Variants in RUNX2 observed in about 807,000 individuals in gnomAD.
RUNX2 encodes the protein RUNX family transcription factor 2.
A neutral mutation model predicts 51.7 loss-of-function variants in RUNX2; 10 were observed. That is an observed-to-expected ratio of 0.19 (90% confidence interval 0.12 to 0.33). The LOEUF (loss-of-function observed/expected upper bound fraction) is 0.33, where lower values mean the gene tolerates loss of function less well. Ranked by LOEUF, RUNX2 falls within the 10% of genes least tolerant of loss-of-function variation. The probability of loss-of-function intolerance (pLI) is 1.00; values close to 1 mark genes in which losing one functional copy is unlikely to be tolerated. For synonymous variants in RUNX2, 276 were observed against 273.6 expected (o/e 1.01, Z -0.09); for missense variants, 562 against 691.3 (o/e 0.81, Z 2.10).
chr6:45,407,479 C>T (rs980547327), intron 2 of RUNX2, among the ~76,000 whole-genome samples: 4 of 152,088 alleles, frequency 2.6e-5, no homozygotes, highest in Non-Finnish European at 2.9e-5. Flanking sequence ...TCTTATTCTT[C>T]TTCCACAAAA....
intron 2 of RUNX2, chr6:45,421,413 T>A (rs1382843938): frequency 6.6e-6 from 1 of 152,118 alleles, no homozygotes; most frequent in Non-Finnish European, 1.5e-5. Flanking sequence ...CCCTCCTCAT[T>A]TTTTTTGTGT....
intron 6 of RUNX2, among the ~76,000 whole-genome samples, chr6:45,502,186 T>C (rs1024855412): frequency 2.6e-5 from 4 of 152,186 alleles, no homozygotes; most frequent in Non-Finnish European, 5.9e-5. Flanking sequence ...GTCATTTATC[T>C]TGGAGCAGAG....
At chr6:45,369,724 G>A (rs1795733878) in intron 2 of RUNX2, among the ~76,000 whole-genome samples, 1 of 151,990 alleles carries the variant, frequency 6.6e-6, no homozygotes, top group South Asian at 2.1e-4. Flanking sequence ...TAAGAGGTAG[G>A]GATATAGTAG....
chr6:45,525,607 G>T (rs2150434242), intron 7 of RUNX2, among the ~76,000 whole-genome samples: 1 of 152,284 alleles, frequency 6.6e-6, no homozygotes, highest in East Asian at 1.9e-4. Flanking sequence ...TTTCCCCAAG[G>T]TATATCATAA....
At position 45,372,051 on chromosome 6, in the gene RUNX2, CA is replaced by C. The variant is rs1796142996; in HGVS notation, c.58+43271del. 1.2e-5 allele frequency: 12 copies of C among 964,638 alleles called. No homozygotes were observed. In the South Asian group the frequency reaches 3.8e-4, roughly 31 times the overall value. The allele number at this position is 964,638 out of a possible 1,614,324, so 59.8% of individuals were successfully genotyped here. On this transcript the variant is annotated intron_variant, in intron 2 of 8. Transcript: ENST00000647337. ...AAATAAAAGTTTATCATAACTAACC[CA>C]AAAGGCCTCCACAATGTGTATGTCA...
chr6:45,404,275 G>GGAAAAAAAAAAAAAAAAAAA (rs1797784517), intron 2 of RUNX2, among the ~76,000 whole-genome samples: 2 of 107,688 alleles, frequency 1.9e-5, no homozygotes, highest in Non-Finnish European at 3.9e-5. Flanking sequence ...AAAAAAAAAA[G>GGAAAAAAAAAAAAAAAAAAA]AAAAAGAAAA....
rs142889686 is a variant in RUNX2, at chr6:45,542,110, G to A, written c.1022-3107G>A. 1.0e-2 allele frequency among the ~76,000 whole-genome samples: 1,516 copies of A among 152,032 alleles called. 9 individuals are homozygous for A. Among genetic ancestry groups the A allele is most frequent in the Non-Finnish European group, 0.015 (1,008 of 67,970 alleles). Reference sequence around the variant, plus strand: ...AAACAGTGTGTGAAAGATGCCACAGGGAGGATTCCCGGCCCTGAAAATTGA... The same window carrying A: ...AAACAGTGTGTGAAAGATGCCACAGAGAGGATTCCCGGCCCTGAAAATTGA... On this transcript the variant is annotated intron_variant, in intron 7 of 8. Coordinates refer to ENST00000647337, the MANE Select transcript of RUNX2 (RefSeq NM_001024630.4).
Position 45,480,921 on chromosome 6 carries a change from T to G in RUNX2, c.686-11020T>G, listed in dbSNP as rs151197444. Among the ~76,000 whole-genome samples the G allele has an allele frequency of 1.6e-3, 239 of 152,268 alleles. 2 individuals carry two copies. The highest frequency in any genetic ancestry group is 5.3e-3 in the African/African-American group (219 of 41,542). The stretch of plus-strand genomic sequence containing the variant: ...GCACAGCAAGACCAGGCTGTGGGAG[T>G]TGGCTGACTTTTTCTTTGGTTATTA... On this transcript the variant is annotated intron_variant, in intron 5 of 8. Transcript: ENST00000647337.
At chr6:45,450,923 G>A (rs963230840) in intron 5 of RUNX2, among the ~76,000 whole-genome samples, 6 of 152,142 alleles carry the variant, frequency 3.9e-5, no homozygotes, top group African/African-American at 1.4e-4. Context: ...AATTAGAGGA[G>A]CACAAAAGGA....
chr6:45,549,027 C>T lies in RUNX2; in HGVS notation c.*1722C>T, dbSNP rs1802485252. 1.0e-5 allele frequency: 4 copies of T among 397,818 alleles called. No individual in the cohort carries two copies. Among genetic ancestry groups the T allele is most frequent in the Non-Finnish European group, 1.8e-5 (4 of 226,050 alleles). The allele number at this position is 397,818 out of a possible 1,614,324, so 24.6% of individuals were successfully genotyped here. On this transcript the variant is annotated 3_prime_UTR_variant, in exon 9 of 9. Coordinates refer to ENST00000647337, the MANE Select transcript of RUNX2 (RefSeq NM_001024630.4). ...ATTTGTATTTCTTACAATGGAGGGC[C>T]AAGGAGGGCAAGGGGCTGTGGAGTT... is the stretch of plus-strand genomic sequence containing the variant.
At chr6:45,372,128 G>A (rs933718105) in intron 2 of RUNX2, 3 of 582,220 alleles carry the variant, frequency 5.2e-6, no homozygotes, top group African/African-American at 2.0e-5. Flanking sequence ...AAACCACAAT[G>A]GAAGCAGTAA....
chr6:45,372,733 A>AGTGCAAT (rs771992806), intron 2 of RUNX2, among the ~76,000 whole-genome samples: 2 of 152,080 alleles, frequency 1.3e-5, no homozygotes, highest in Non-Finnish European at 1.5e-5. Context: ...ATCTCAGCTC[A>AGTGCAAT]GTGCAATCTC....
At chr6:45,375,239 GT>G (rs1431323089) in intron 2 of RUNX2, among the ~76,000 whole-genome samples, 2 of 152,124 alleles carry the variant, frequency 1.3e-5, no homozygotes, top group Non-Finnish European at 2.9e-5. Flanking sequence ...ATATTGCAAT[GT>G]GGTTAATCAT....
chr6:45,404,208 T>A (rs1797780900), intron 2 of RUNX2, among the ~76,000 whole-genome samples: 1 of 126,488 alleles, frequency 7.9e-6, no homozygotes, highest in Non-Finnish European at 1.5e-5. Flanking sequence ...TGCAGTGAGC[T>A]GAGATTGTGC....
At chr6:45,335,136 A>C (rs1788297419) in intron 2 of RUNX2, among the ~76,000 whole-genome samples, 1 of 151,220 alleles carries the variant, frequency 6.6e-6, no homozygotes, top group Non-Finnish European at 1.5e-5. Context: ...TAAACAATTT[A>C]AGCATTGAAT....
chr6:45,368,436 C>CA (rs887192555), intron 2 of RUNX2, among the ~76,000 whole-genome samples: 4 of 150,944 alleles, frequency 2.6e-5, no homozygotes, highest in East Asian at 1.9e-4. Context: ...ATATTGCTAT[C>CA]AAAAAAAAAG....
intron 3 of RUNX2, among the ~76,000 whole-genome samples, chr6:45,424,404 G>A (rs905492882): frequency 1.3e-4 from 20 of 152,336 alleles, no homozygotes; most frequent in African/African-American, 3.8e-4. Context: ...ATGCAGGGGT[G>A]GTAAGCCAGA....
At chr6:45,354,899 T>C (rs973558759) in intron 2 of RUNX2, among the ~76,000 whole-genome samples, 3 of 152,198 alleles carry the variant, frequency 2.0e-5, no homozygotes, top group African/African-American at 7.2e-5. Context: ...AATTATAATA[T>C]GGGCTTTTGG....
At chr6:45,525,335 C>A (rs1156686398) in intron 7 of RUNX2, among the ~76,000 whole-genome samples, 1 of 152,176 alleles carries the variant, frequency 6.6e-6, no homozygotes, top group African/African-American at 2.4e-5. Flanking sequence ...TTGAGTTCAA[C>A]ACTGATAAAA....
Sources: gnomAD v4.1 joint callset for allele counts (sites outside exome capture counted in the v4.1 genomes callset) on GRCh38, gnomAD v4.1.1 for gene constraint, MANE v1.5 for transcripts, NCBI Gene and HGNC (gene_info 2026-07-23, HGNC 2026-07-21) for gene names.